POMT1: variants seen among roughly 807,000 people sequenced by gnomAD.
POMT1 encodes protein O-mannosyltransferase 1, also known as protein O-mannosyl-transferase 1.
Under a neutral mutation model 101.6 loss-of-function variants are expected in POMT1, and 85 were observed. The observed-to-expected ratio is 0.84, with a 90% CI of 0.70 to 1.00. The LOEUF is 1.00. POMT1 is among the 50% of genes least tolerant of loss of function. The pLI, the probability that POMT1 is intolerant of heterozygous loss-of-function variation, is 0.00. For missense variants in POMT1, 857 were observed against 930.4 expected, an observed-to-expected ratio of 0.92 and a Z score of 1.03; for synonymous variants, 371 against 383.0, an observed-to-expected ratio of 0.97 and a Z score of 0.37.
In POMT1 at chr9:131,521,333, C is replaced by T. The variant is rs772191176; in HGVS notation, c.1699-13C>T. The T allele has an allele frequency of 1.2e-6, 2 of 1,614,014 alleles. No homozygotes were observed. Among genetic ancestry groups the T allele is most frequent in the African/African-American group, 1.3e-5 (1 of 74,902 alleles). On this transcript the variant is annotated splice_polypyrimidine_tract_variant and intron_variant, in intron 17 of 19. Coordinates refer to ENST00000402686, the MANE Select transcript of POMT1 (RefSeq NM_001077365.2). ...AGGGCAGGTGGCTAACAGCATCTCCCATGTTCCCTTAGGCTCAGATCCACC... is the reference window on the plus strand; with the variant it reads ...AGGGCAGGTGGCTAACAGCATCTCCTATGTTCCCTTAGGCTCAGATCCACC...
In POMT1 at chr9:131,506,135, G is replaced by A; in HGVS notation, c.144G>A (p.Gly48=). Residue 48 remains glycine, a synonymous_variant, in exon 3 of 20, where the codon GGG becomes GGA. Coordinates refer to ENST00000402686, the MANE Select transcript of POMT1 (RefSeq NM_001077365.2). ...CTAGTTTTGACGAAGTATATTATGGGCAGTACATCTCTTTTTACATGAAAC... is the reference window on the plus strand; with the variant it reads ...CTAGTTTTGACGAAGTATATTATGGACAGTACATCTCTTTTTACATGAAAC... ...RAVVFDEVYY[G]QYISFYMKQI... 1 of 1,613,904 alleles carries A rather than the reference G, an allele frequency of 6.2e-7. No homozygotes were observed. The highest frequency in any genetic ancestry group is 1.1e-5 in the South Asian group (1 of 91,080).
intron 11 of POMT1, 51 bp from the exon 12 acceptor site, chr9:131,513,188 A>G (rs372589429): frequency 3.4e-6 from 5 of 1,482,784 alleles, no homozygotes; most frequent in Middle Eastern, 1.7e-4. Flanking sequence ...TGCAGCTGTT[A>G]GTTCGAGGGG....
In POMT1 at chr9:131,522,251, G is replaced by C. The variant is rs1271022216; in HGVS notation, c.2003+27G>C. 1.2e-6 allele frequency: 2 copies of C among 1,610,918 alleles called. No homozygotes were observed. Among genetic ancestry groups the C allele is most frequent in the Admixed American group, 1.7e-5 (1 of 60,020 alleles). ...TACGGGGGCTGCGGAGACAGTGGCT[G>C]GACCGGGCAGCAGCCCTCTGCTGGG... On this transcript the variant is annotated intron_variant, in intron 19 of 19. Transcript: ENST00000402686. The surrounding 1 kb of genome is among the most constrained non-coding windows in gnomAD (Gnocchi z 5.5).
Position 131,513,283 on chromosome 9 carries a change from G to A in POMT1, c.1127G>A (p.Gly376Glu), listed in dbSNP as rs761293717. The change falls in exon 12 of 20, where the codon GGG becomes GAG. Residue 376 changes from glycine (G) to glutamate (E), a missense_variant. Gly to Glu is a moderately conservative substitution (Grantham distance 98, BLOSUM62 -2). Transcript: ENST00000402686. ...AGCCCTCCGAGACCTGTGAGGCACG[G>A]GGACATGGTGCAGCTGGTCCACGGC... ...VSSPPRPVRH[G>E]DMVQLVHGMT... 4.5e-5 allele frequency: 72 copies of A among 1,612,936 alleles called. No homozygotes were observed. Among genetic ancestry groups the A allele is most frequent in the Non-Finnish European group, 5.9e-5 (70 of 1,180,010 alleles).
intron 10 of POMT1, 75 bp downstream of exon 10, chr9:131,511,542 C>T: frequency 6.3e-7 from 1 of 1,589,602 alleles, no homozygotes; most frequent in Non-Finnish European, 8.6e-7. Flanking sequence ...TAGCAACTTT[C>T]CCTTTCTTTG....
At chr9:131,506,476 CT>C in intron 4 of POMT1, 23 bp downstream of exon 4, 1 of 1,595,546 alleles carries the variant, frequency 6.3e-7, no homozygotes, top group Non-Finnish European at 8.6e-7. Flanking sequence ...TTTCATTTCC[CT>C]TTTAATGTGC....
chr9:131,515,412 T>C lies in POMT1; in HGVS notation c.1176-14T>C. ...TTCAAGGAATTTTCTGAAATCTCGG[T>C]CTTGGTTTTCCAGGCATGATGTTGC... On this transcript the variant is annotated splice_polypyrimidine_tract_variant and intron_variant, in intron 12 of 19. Transcript: ENST00000402686. 1 of 1,613,474 alleles carries C rather than the reference T, an allele frequency of 6.2e-7. No homozygotes were observed. The highest frequency in any genetic ancestry group is 8.5e-7 in the Non-Finnish European group (1 of 1,179,376).
intron 12 of POMT1, among the ~76,000 whole-genome samples, chr9:131,514,367 C>G (rs578180483): frequency 6.6e-6 from 1 of 152,318 alleles, no homozygotes; most frequent in African/African-American, 2.4e-5. Context: ...CCCTTGGGGG[C>G]TTCACACTTG....
intron 17 of POMT1, 105 bp from the exon 18 acceptor site, chr9:131,521,241 C>T: frequency 1.3e-6 from 2 of 1,537,906 alleles, no homozygotes; most frequent in East Asian, 2.3e-5. Context: ...CGTTTTTTCA[C>T]TCTGCTAAAG....
At chr9:131,514,277 GC>G (rs1947801491) in intron 12 of POMT1, among the ~76,000 whole-genome samples, 1 of 152,076 alleles carries the variant, frequency 6.6e-6, no homozygotes, top group Non-Finnish European at 1.5e-5. Flanking sequence ...CCCGTCACCC[GC>G]CAAGGTCCCT....
At chr9:131,510,123 C>T (rs747821751) in intron 8 of POMT1, 127 bp downstream of exon 8, 77 of 1,611,810 alleles carry the variant, frequency 4.8e-5, no homozygotes, top group Admixed American at 6.7e-5. Context: ...TGGGCAGCCT[C>T]GCCTCTTGGC....
Position 131,519,419 on chromosome 9 carries a change from T to C in POMT1, c.1517T>C (p.Leu506Pro). 6.4e-7 allele frequency: 1 copy of C among 1,552,094 alleles called. No homozygotes were observed. Among genetic ancestry groups the C allele is most frequent in the South Asian group, 1.2e-5 (1 of 84,098 alleles). ...SQEQRERERE[L>P]HSPAQVDVSR... is the part of the protein sequence containing the mutation. ...GAGCAGAGGGAGCGGGAACGGGAGCTGCACTCACCTGCGCAGGTGGACGTC... is the reference window on the plus strand; with the variant it reads ...GAGCAGAGGGAGCGGGAACGGGAGCCGCACTCACCTGCGCAGGTGGACGTC... The change falls in exon 16 of 20, where the codon CTG (leucine) becomes CCG (proline). Residue 506 changes from leucine to proline, a missense_variant. Leu to Pro is a moderately conservative substitution (Grantham distance 98, BLOSUM62 -3). Coordinates refer to ENST00000402686, the MANE Select transcript of POMT1 (RefSeq NM_001077365.2). The surrounding 1 kb of genome is among the most constrained non-coding windows in gnomAD (Gnocchi z 4.3).
chr9:131,522,930 A>C lies in POMT1; in HGVS notation c.2004-2A>C. ...TCCCCCACGCTGCTCTGACCTCTGC[A>C]GGTCCCAGCTCCAGAGGAGCATCTT... is the stretch of plus-strand genomic sequence containing the variant. On this transcript the variant is annotated splice_acceptor_variant, in intron 19 of 19. Transcript: ENST00000402686. LOFTEE classifies it high-confidence loss of function. This position sits in a 1 kb window ranked among gnomAD's most constrained non-coding sequence, Gnocchi z 5.5. The C allele has an allele frequency of 6.3e-7, 1 of 1,584,720 alleles. No homozygotes were observed. The highest frequency in any genetic ancestry group is 8.6e-7 in the Non-Finnish European group (1 of 1,168,246).
Position 131,523,263 on chromosome 9 carries a change from GCTCT to G in POMT1, c.*160_*163del. On this transcript the variant is annotated 3_prime_UTR_variant, in exon 20 of 20. Transcript: ENST00000402686. ...GAACACATGGGGGTCTCATTGAAAA[GCTCT>G]CTGATGAGCACCTCCTTTTGTGCAA... 1 of 842,862 alleles carries G rather than the reference GCTCT, an allele frequency of 1.2e-6. No homozygotes were observed. Among genetic ancestry groups the G allele is most frequent in the Non-Finnish European group, 1.9e-6 (1 of 533,848 alleles). The allele number at this position is 842,862 out of a possible 1,614,324, so 52.2% of individuals were successfully genotyped here.
At chr9:131,507,865 C>T (rs534906468) in intron 5 of POMT1, among the ~76,000 whole-genome samples, 82 of 152,266 alleles carry the variant, frequency 5.4e-4, no homozygotes, top group African/African-American at 1.8e-3. Flanking sequence ...GAGATGGACT[C>T]GTGAGTCAGT....
At chr9:131,513,432 T>G (rs1371697460) in intron 12 of POMT1, 101 bp downstream of exon 12, 4 of 1,074,664 alleles carry the variant, frequency 3.7e-6, no homozygotes, top group Non-Finnish European at 5.5e-6. Context: ...CTGCCCCCTG[T>G]CTACCCATCA....
intron 2 of POMT1, 48 bp downstream of exon 2, chr9:131,504,388 G>A: frequency 6.2e-7 from 1 of 1,613,928 alleles, no homozygotes; most frequent in East Asian, 2.2e-5. Context: ...ATTGTACTTT[G>A]TGACAGGAGG....
chr9:131,512,213 G>T (rs1279221557), intron 11 of POMT1, 77 bp downstream of exon 11: 2 of 1,569,332 alleles, frequency 1.3e-6, no homozygotes, highest in African/African-American at 2.7e-5. Flanking sequence ...ATGCAGTCCT[G>T]GGCCCCCTTC....
In POMT1 at chr9:131,518,508, G is replaced by A. The variant is rs778168232; in HGVS notation, c.1336G>A (p.Val446Met). The A allele has an allele frequency of 2.5e-6, 4 of 1,613,808 alleles. No homozygotes were observed. Among genetic ancestry groups the A allele is most frequent in the Admixed American group, 1.7e-5 (1 of 60,010 alleles). ...WKTILSEVRF[V>M]HVNTSAVLKL... ...GACCATCCTCTCAGAGGTCCGCTTT[G>A]TGCACGTGAACACTTCCGCTGTCTT... The change falls in exon 14 of 20, where the codon GTG (valine) becomes ATG (methionine). Residue 446 changes from valine to methionine, a missense_variant. Physicochemically the swap from Val to Met is conservative, Grantham distance 21. Coordinates refer to ENST00000402686, the MANE Select transcript of POMT1 (RefSeq NM_001077365.2).
Sources: allele counts gnomAD v4.1 joint callset (sites outside exome capture counted in the v4.1 genomes callset), GRCh38; gene constraint gnomAD v4.1.1; non-coding constraint Gnocchi (gnomAD v3.1); transcripts MANE v1.5; gene names NCBI Gene and HGNC (gene_info 2026-07-23, HGNC 2026-07-21).